CDK14: variants seen among roughly 807,000 people sequenced by gnomAD.
CDK14 encodes the protein cyclin dependent kinase 14, also known as cyclin-dependent kinase 14.
Under a neutral mutation model 60.7 loss-of-function variants are expected in CDK14, and 34 were observed. The ratio of observed to expected loss-of-function variants is 0.56; its 90% CI spans 0.43 to 0.75. The LOEUF is 0.75. CDK14 is among the 30% of genes least tolerant of loss of function. CDK14 has a pLI of 0.00. For missense variants in CDK14, 482 were observed against 564.1 expected (o/e 0.85, Z 1.47); for synonymous variants, 197 against 203.7 (o/e 0.97, Z 0.28).
intron 5 of CDK14, among the ~76,000 whole-genome samples, chr7:90,847,084 T>C (rs1790493029): frequency 6.6e-6 from 1 of 152,204 alleles, no homozygotes; most frequent in Admixed American, 6.5e-5. Context: ...GGGTTTGTAA[T>C]TGTATATATC....
intron 5 of CDK14, among the ~76,000 whole-genome samples, chr7:90,800,185 A>G (rs1788585483): frequency 6.6e-6 from 1 of 151,850 alleles, no homozygotes; most frequent in African/African-American, 2.4e-5. Context: ...TTCATTATTC[A>G]TTCTATTAGA....
At chr7:91,067,904 A>G (rs950725352) in intron 11 of CDK14, among the ~76,000 whole-genome samples, 1 of 152,354 alleles carries the variant, frequency 6.6e-6, no homozygotes, top group Non-Finnish European at 1.5e-5. Context: ...CTGTAATAGA[A>G]TTCCTATTCA....
chr7:91,179,187 A>G (rs983363829), intron 14 of CDK14, among the ~76,000 whole-genome samples: 1 of 152,020 alleles, frequency 6.6e-6, no homozygotes, highest in Non-Finnish European at 1.5e-5. Flanking sequence ...AAAAATGATG[A>G]GTTCATGTCC....
chr7:90,850,732 A>T lies in CDK14; in HGVS notation c.545-12443A>T, dbSNP rs185538412. 5.9e-5 allele frequency among the ~76,000 whole-genome samples: 9 copies of T among 152,296 alleles called. No individual in the cohort carries two copies. The East Asian group carries it at 1.7e-3, about 29-fold the overall frequency. On this transcript the variant is annotated intron_variant, in intron 5 of 14. Coordinates refer to ENST00000380050, the MANE Select transcript of CDK14 (RefSeq NM_001287135.2). ...TCGGGAGCTGCATGGAGACCTCTCC[A>T]TCAGGAGCCTGTTGTGCGGGCTCTT... is the stretch of plus-strand genomic sequence containing the variant.
chr7:90,726,024 C>T (rs890390415), intron 2 of CDK14, among the ~76,000 whole-genome samples: 2 of 152,092 alleles, frequency 1.3e-5, no homozygotes, highest in Admixed American at 1.3e-4. Context: ...TATCTCTAAC[C>T]ATTAGCTCCA....
chr7:91,107,788 C>G (rs1799348770), intron 12 of CDK14: 1 of 152,170 alleles, frequency 6.6e-6, no homozygotes, highest in African/African-American at 2.4e-5. Context: ...ACAACTCTTG[C>G]AGTAAATAAA....
intron 10 of CDK14, among the ~76,000 whole-genome samples, chr7:91,010,715 T>C (rs929587104): frequency 1.3e-5 from 2 of 151,732 alleles, no homozygotes; most frequent in Non-Finnish European, 2.9e-5. Context: ...AGTCCTTATG[T>C]TTCTTTTTTC....
chr7:91,161,223 T>C lies in CDK14; in HGVS notation c.*28+43015T>C, dbSNP rs915187884. ...GATATTGTGGTGTAGAGGTAGGGAG[T>C]AGACGGAGAGGATTCAGGAAGGAGC... On this transcript the variant is annotated intron_variant, in intron 14 of 14. Transcript: ENST00000380050. Among the ~76,000 whole-genome samples, 10 of 151,890 alleles carry C rather than the reference T, an allele frequency of 6.6e-5. 1 individual carries two copies. The Middle Eastern group carries it at 0.01, about 155-fold the overall frequency.
intron 9 of CDK14, among the ~76,000 whole-genome samples, chr7:90,967,809 A>G (rs1299723783): frequency 6.6e-6 from 1 of 152,236 alleles, no homozygotes; most frequent in Non-Finnish European, 1.5e-5. Context: ...GTGTTTAGGC[A>G]ATAGAAAATT....
At chr7:91,024,192 T>A (rs1263107299) in intron 10 of CDK14, among the ~76,000 whole-genome samples, 1 of 152,186 alleles carries the variant, frequency 6.6e-6, no homozygotes, top group Admixed American at 6.5e-5. Context: ...CACTATATGT[T>A]ATAATGGTAT....
chr7:90,631,411 G>C (rs1381501012), intron 2 of CDK14, among the ~76,000 whole-genome samples: 2 of 152,206 alleles, frequency 1.3e-5, no homozygotes, highest in African/African-American at 4.8e-5. Context: ...GATAAGGTAT[G>C]AGGTAGAGTG....
chr7:90,776,314 A>T (rs903505798), intron 4 of CDK14, among the ~76,000 whole-genome samples: 2 of 152,144 alleles, frequency 1.3e-5, no homozygotes, highest in Admixed American at 1.3e-4. Flanking sequence ...GGCTGTATGC[A>T]TGTTATTTCT....
intron 14 of CDK14, among the ~76,000 whole-genome samples, chr7:91,135,038 G>T (rs1800233967): frequency 6.6e-6 from 1 of 152,088 alleles, no homozygotes; most frequent in Non-Finnish European, 1.5e-5. Flanking sequence ...AAAAAAAGCA[G>T]TGTGTTTCAT....
chr7:91,032,768 A>T (rs1173678205), intron 10 of CDK14, among the ~76,000 whole-genome samples: 1 of 152,206 alleles, frequency 6.6e-6, no homozygotes, highest in Non-Finnish European at 1.5e-5. Context: ...GAGAGAGCAC[A>T]TTTCTCGTTT....
intron 14 of CDK14, among the ~76,000 whole-genome samples, chr7:91,199,059 T>C (rs551370807): frequency 3.3e-5 from 5 of 152,312 alleles, no homozygotes; most frequent in South Asian, 2.1e-4. Flanking sequence ...AGGACTGTAA[T>C]ATATAAGGAG....
chr7:90,721,615 AAT>A (rs1802457134), intron 2 of CDK14, among the ~76,000 whole-genome samples: 3 of 152,134 alleles, frequency 2.0e-5, no homozygotes, highest in Admixed American at 2.0e-4. Context: ...TGTGAACTGG[AAT>A]CTATTACTTT....
intron 5 of CDK14, among the ~76,000 whole-genome samples, chr7:90,856,416 G>C (rs3802032): frequency 1.3e-5 from 2 of 152,024 alleles, no homozygotes; most frequent in Non-Finnish European, 2.9e-5. Flanking sequence ...TGTGTGGAGT[G>C]TTTATTGTAT....
chr7:90,600,471 T>TTA (rs1799292116), intron 1 of CDK14, among the ~76,000 whole-genome samples: 1 of 152,338 alleles, frequency 6.6e-6, no homozygotes, highest in African/African-American at 2.4e-5. Context: ...GAAAGGAAGT[T>TTA]TATACTCTGC....
Position 91,207,956 on chromosome 7 carries a change from T to G in CDK14, c.*820T>G, listed in dbSNP as rs1802952842. On this transcript the variant is annotated 3_prime_UTR_variant, in exon 15 of 15. Transcript: ENST00000380050. ...CTTGTCAACATCTAATTTTTTTCCA[T>G]CCATTCTGTTACACTTTGTATTTTC... 6.6e-6 allele frequency: 1 copy of G among 152,636 alleles called. No individual in the cohort carries two copies. The highest frequency in any genetic ancestry group is 2.4e-5 in the African/African-American group (1 of 41,448). 9.5% of individuals were successfully genotyped at this position (152,636 alleles called of 1,614,324 possible). A position where few individuals can be genotyped will look rare whatever the true frequency, so the allele number is the denominator to read the frequency against.
Sources: gnomAD v4.1 joint callset for allele counts (sites outside exome capture counted in the v4.1 genomes callset) on GRCh38, gnomAD v4.1.1 for gene constraint, MANE v1.5 for transcripts, NCBI Gene and HGNC (gene_info 2026-07-23, HGNC 2026-07-21) for gene names.